Variants in MRAP2 observed in about 807,000 individuals in gnomAD.
MRAP2 encodes the protein melanocortin 2 receptor accessory protein 2, also known as melanocortin-2 receptor accessory protein 2.
MRAP2 carries 20 observed loss-of-function variants against 17.4 expected under a neutral mutation model. The observed-to-expected ratio is 1.15, with a 90% CI of 0.81 to 1.67. MRAP2 has a LOEUF of 1.67. Among genes scored for constraint, MRAP2 ranks in the 40% most tolerant of loss-of-function variants. The probability of loss-of-function intolerance (pLI) is 0.00; values close to 1 mark genes in which losing one functional copy is unlikely to be tolerated. For synonymous variants in MRAP2, 96 were observed against 88.4 expected, an observed-to-expected ratio of 1.09 and a Z score of -0.48; for missense variants, 238 against 240.0, an observed-to-expected ratio of 0.99 and a Z score of 0.05.
At chr6:84,043,579 T>G (rs1357340217) in intron 1 of MRAP2, among the ~76,000 whole-genome samples, 1 of 152,032 alleles carries the variant, frequency 6.6e-6, no homozygotes, top group Non-Finnish European at 1.5e-5. Context: ...GCCCTCCCTT[T>G]TTTAATGACC....
chr6:84,109,802 C>A, the MRAP2 span, among the ~76,000 whole-genome samples: 1 of 147,558 alleles, frequency 6.8e-6, no homozygotes, highest in Non-Finnish European at 1.5e-5. Context: ...CTCCCTGTGT[C>A]CATGTGTTCT....
chr6:84,065,367 G>C (rs1267503276), intron 3 of MRAP2, among the ~76,000 whole-genome samples: 1 of 152,104 alleles, frequency 6.6e-6, no homozygotes, highest in East Asian at 1.9e-4. Flanking sequence ...ACATATGGCT[G>C]AGAATCTATT....
At chr6:84,051,550 C>T (rs979023685) in intron 1 of MRAP2, among the ~76,000 whole-genome samples, 4 of 152,076 alleles carry the variant, frequency 2.6e-5, no homozygotes, top group Non-Finnish European at 2.9e-5. Flanking sequence ...GAGCAAGACT[C>T]GCCTCAAAAT....
downstream of MRAP2, among the ~76,000 whole-genome samples, chr6:84,091,239 CTT>C (rs34508361): frequency 7.6e-3 from 823 of 108,026 alleles, 5 homozygotes; most frequent in South Asian, 0.057. Flanking sequence ...AGTTTGTTAA[CTT>C]TTTTTTTTTT....
chr6:84,049,267 GC>G, intron 1 of MRAP2, among the ~76,000 whole-genome samples: 1 of 152,028 alleles, frequency 6.6e-6, no homozygotes, highest in African/African-American at 2.4e-5. Flanking sequence ...TCTACTAAAA[GC>G]ACAAAACTTA....
At chr6:84,075,182 C>T (rs563765965) in intron 3 of MRAP2, among the ~76,000 whole-genome samples, 64 of 152,292 alleles carry the variant, frequency 4.2e-4, no homozygotes, top group Admixed American at 3.1e-3. Context: ...AAGGCTGCCC[C>T]TCCATTCTTC....
chr6:84,037,597 T>C (rs2099486464), intron 1 of MRAP2, among the ~76,000 whole-genome samples: 1 of 151,744 alleles, frequency 6.6e-6, no homozygotes, highest in Non-Finnish European at 1.5e-5. Context: ...GGCTCTGGCA[T>C]GGCGGGCTGC....
the MRAP2 span, among the ~76,000 whole-genome samples, chr6:84,112,223 C>T: frequency 5.9e-5 from 9 of 152,058 alleles, no homozygotes; most frequent in East Asian, 1.9e-4. Flanking sequence ...GCTGTGAATC[C>T]GTCTGGTCCT....
intron 1 of MRAP2, among the ~76,000 whole-genome samples, chr6:84,044,556 C>T (rs998492550): frequency 6.6e-5 from 10 of 152,236 alleles, no homozygotes; most frequent in African/African-American, 2.4e-4. Context: ...TCCAGGCCTC[C>T]CTCCTTGGCT....
the MRAP2 span, among the ~76,000 whole-genome samples, chr6:84,132,507 C>T: frequency 6.6e-6 from 1 of 152,220 alleles, no homozygotes; most frequent in African/African-American, 2.4e-5. Context: ...GGTCTTTTCA[C>T]ATAGTCCCAT....
the MRAP2 span, among the ~76,000 whole-genome samples, chr6:84,123,556 C>T: frequency 6.6e-6 from 1 of 152,022 alleles, no homozygotes; most frequent in Non-Finnish European, 1.5e-5. Context: ...CCTTACCTCT[C>T]ATCATATACA....
chr6:84,119,110 A>C, the MRAP2 span, among the ~76,000 whole-genome samples: 41 of 152,316 alleles, frequency 2.7e-4, no homozygotes, highest in African/African-American at 9.6e-4. Context: ...GATGTCAGGC[A>C]GTATGATGCC....
At chr6:84,091,958 T>TA (rs2099501842), downstream of MRAP2, among the ~76,000 whole-genome samples, 1 of 152,190 alleles carries the variant, frequency 6.6e-6, no homozygotes, top group African/African-American at 2.4e-5. Flanking sequence ...TTTATTCTCT[T>TA]CCAGTTCTAG....
chr6:84,092,573 G>T (rs933349922), downstream of MRAP2, among the ~76,000 whole-genome samples: 1 of 152,102 alleles, frequency 6.6e-6, no homozygotes, highest in African/African-American at 2.4e-5. Flanking sequence ...TAGAAAATAA[G>T]TTATTTTCTC....
At chr6:84,038,649 G>A (rs1206183995) in intron 1 of MRAP2, among the ~76,000 whole-genome samples, 3 of 151,868 alleles carry the variant, frequency 2.0e-5, no homozygotes, top group Non-Finnish European at 4.4e-5. Flanking sequence ...AGAACACCAT[G>A]CCCAGCTAAT....
intron 1 of MRAP2, among the ~76,000 whole-genome samples, chr6:84,051,076 A>T (rs902976128): frequency 3.3e-5 from 5 of 152,134 alleles, no homozygotes; most frequent in Non-Finnish European, 5.9e-5. Context: ...TCATCTGCTG[A>T]TGTTTACCCC....
At chr6:84,127,170 T>C in the MRAP2 span, among the ~76,000 whole-genome samples, 1 of 152,144 alleles carries the variant, frequency 6.6e-6, no homozygotes, top group African/African-American at 2.4e-5. Context: ...ATTAATTGTA[T>C]CTTCTTTATC....
Position 84,038,169 on chromosome 6 carries a change from A to T in MRAP2, c.-8+4286A>T, listed in dbSNP as rs1410019129. On this transcript the variant is annotated intron_variant, in intron 1 of 3. Transcript: ENST00000257776. ...GGGAGGAAGGGCTGGCCTAAGGGCG[A>T]GGGCCCCTGGCAGCAGAAGTAGGAA... 2.0e-5 allele frequency among the ~76,000 whole-genome samples: 3 copies of T among 152,236 alleles called. No individual in the cohort carries two copies. The East Asian group carries it at 5.8e-4, about 29-fold the overall frequency.
the MRAP2 span, among the ~76,000 whole-genome samples, chr6:84,116,641 CTTA>C: frequency 6.6e-6 from 1 of 152,080 alleles, no homozygotes; most frequent in African/African-American, 2.4e-5. Context: ...ATTTATGGCT[CTTA>C]TTATTTTGAG....
Sources: allele counts gnomAD v4.1 joint callset (sites outside exome capture counted in the v4.1 genomes callset), GRCh38; gene constraint gnomAD v4.1.1; transcripts MANE v1.5; gene names NCBI Gene and HGNC (gene_info 2026-07-23, HGNC 2026-07-21).